LYST: variants seen among roughly 807,000 people sequenced by gnomAD.
LYST encodes lysosomal-trafficking regulator.
Under a neutral mutation model 413.6 loss-of-function variants are expected in LYST, and 192 were observed. The observed-to-expected ratio is 0.46, with a 90% CI of 0.41 to 0.52. LYST has a LOEUF of 0.52. Among genes scored for constraint, LYST ranks in the 20% least tolerant of loss-of-function variants. The probability of loss-of-function intolerance (pLI) is 0.00; values close to 1 mark genes in which losing one functional copy is unlikely to be tolerated. For missense variants in LYST, 3,815 were observed against 4,499.9 expected (o/e 0.85, Z 4.35); for synonymous variants, 1,525 against 1,567.3 (o/e 0.97, Z 0.64).
rs765006632 is a variant in LYST, at chr1:235,806,095, C to A, written c.3041G>T (p.Gly1014Val). The change falls in exon 6 of 53, where the codon GGA becomes GTA. Residue 1014 changes from glycine to valine, a missense_variant. Gly to Val is a moderately radical substitution (Grantham distance 109, BLOSUM62 -3). Coordinates refer to ENST00000389793, the MANE Select transcript of LYST (RefSeq NM_000081.4). ...SHKEEQGKKE[G>V]DTSVNENQDL... ...CTGGTTTTCATTTACACTTGTATCT[C>A]CCTCCTTTTTTCCTTGCTCCTCTTT... The A allele has an allele frequency of 6.2e-7, 1 of 1,613,676 alleles. No homozygotes were observed. Among genetic ancestry groups the A allele is most frequent in the East Asian group, 2.2e-5 (1 of 44,870 alleles).
intron 1 of LYST, among the ~76,000 whole-genome samples, chr1:235,848,559 A>C (rs187470590): frequency 2.0e-5 from 3 of 152,276 alleles, no homozygotes; most frequent in African/African-American, 4.8e-5. Context: ...AACAAACAAA[A>C]AAAATACAAA....
upstream of LYST, among the ~76,000 whole-genome samples, chr1:235,868,263 G>T (rs1680745582): frequency 6.6e-6 from 1 of 151,828 alleles, no homozygotes; most frequent in South Asian, 2.1e-4. Flanking sequence ...CCTAACAAGT[G>T]CAGGAAATAA....
chr1:235,762,872 G>C, intron 21 of LYST, 21 bp from the exon 22 acceptor site: 1 of 1,606,750 alleles, frequency 6.2e-7, no homozygotes, highest in South Asian at 1.1e-5. Context: ...AATTTTTTTT[G>C]AAACAGCAAA....
At chr1:235,737,850 T>C (rs948849456) in intron 31 of LYST, 40 of 1,009,162 alleles carry the variant, frequency 4.0e-5, no homozygotes, top group Non-Finnish European at 4.6e-5. Flanking sequence ...GGAAACAGCA[T>C]TTATCCTGCT....
In LYST at chr1:235,809,724, A is replaced by C; in HGVS notation, c.1094T>G (p.Ile365Arg). Residue 365 changes from isoleucine (I) to arginine (R), a missense_variant, in exon 5 of 53, where the codon ATA (isoleucine) becomes AGA (arginine). By Grantham distance (97) the Ile-to-Arg change is moderately conservative. Coordinates refer to ENST00000389793, the MANE Select transcript of LYST (RefSeq NM_000081.4). This position sits in a 1 kb window ranked among gnomAD's most constrained non-coding sequence, Gnocchi z 4.0. Reference sequence around the variant, plus strand: ...AGGGTCAGGCTGCTTTTCTAGGCATATTCTAATTTTTAAAGCTGCTCTAAG... The same window carrying C: ...AGGGTCAGGCTGCTTTTCTAGGCATCTTCTAATTTTTAAAGCTGCTCTAAG... ...ELLRAALKIR[I>R]CLEKQPDPFA... 6.2e-7 allele frequency: 1 copy of C among 1,613,762 alleles called. No individual in the cohort carries two copies. Among genetic ancestry groups the C allele is most frequent in the Non-Finnish European group, 8.5e-7 (1 of 1,179,802 alleles).
rs1230345131 is a variant in LYST at position 235,730,901 on chromosome 1, G to A, written c.8990C>T (p.Thr2997Ile). The change falls in exon 36 of 53, where the codon ACT becomes ATT. Residue 2997 changes from threonine to isoleucine, a missense_variant. Transcript: ENST00000389793. ...PPLSYLFEDK[T>I]HSSFSSTVKD... ...GACAGTAGAAGAGAAAGAAGAATGAGTTTTGTCTTCAAACAGGTAAGAGAG... is the reference window on the plus strand; with the variant it reads ...GACAGTAGAAGAGAAAGAAGAATGAATTTTGTCTTCAAACAGGTAAGAGAG... 6.2e-7 allele frequency: 1 copy of A among 1,613,772 alleles called. No homozygotes were observed. Among genetic ancestry groups the A allele is most frequent in the Non-Finnish European group, 8.5e-7 (1 of 1,179,742 alleles).
intron 3 of LYST, chr1:235,827,592 C>T: frequency 6.1e-6 from 6 of 982,356 alleles, no homozygotes; most frequent in Non-Finnish European, 7.3e-6. Context: ...AACATTCATT[C>T]TCCATTTCCT....
chr1:235,761,096 A>T (rs537659749), intron 22 of LYST, among the ~76,000 whole-genome samples: 10 of 152,270 alleles, frequency 6.6e-5, no homozygotes, highest in Non-Finnish European at 1.0e-4. Flanking sequence ...TCATTTATTT[A>T]AAAAAAATTT....
chr1:235,823,773 T>C (rs913212098), intron 3 of LYST, among the ~76,000 whole-genome samples: 1 of 152,238 alleles, frequency 6.6e-6, no homozygotes, highest in East Asian at 1.9e-4. Flanking sequence ...CGCCAATTCC[T>C]ACTTAGGGAT....
intron 1 of LYST, among the ~76,000 whole-genome samples, chr1:235,876,917 G>A (rs1681164890): frequency 6.6e-6 from 1 of 152,188 alleles, no homozygotes. Flanking sequence ...AGGAGTGACT[G>A]AAGAGCTCTC....
At chr1:235,761,239 T>G (rs944322555) in intron 22 of LYST, among the ~76,000 whole-genome samples, 1 of 152,224 alleles carries the variant, frequency 6.6e-6, no homozygotes, top group South Asian at 2.1e-4. Context: ...CCTATATATC[T>G]AGTTCTATCT....
At chr1:235,873,823 G>T (rs1681034885) in intron 1 of LYST, among the ~76,000 whole-genome samples, 1 of 152,136 alleles carries the variant, frequency 6.6e-6, no homozygotes, top group African/African-American at 2.4e-5. Context: ...AGGCTAAGAA[G>T]TACAAGGAAA....
intron 3 of LYST, chr1:235,827,782 T>C (rs1675498234): frequency 1.1e-6 from 1 of 899,682 alleles, no homozygotes; most frequent in Non-Finnish European, 1.3e-6. Flanking sequence ...ATGACCTAAA[T>C]AATTTTAGTC....
chr1:235,743,801 G>A (rs1665649983), intron 30 of LYST, among the ~76,000 whole-genome samples, 178 bp downstream of exon 30: 1 of 152,104 alleles, frequency 6.6e-6, no homozygotes. Flanking sequence ...AGTCATTTTG[G>A]AAAGGTGAAT....
chr1:235,791,529 T>G (rs985693573), intron 12 of LYST, 170 bp downstream of exon 12: 1 of 655,016 alleles, frequency 1.5e-6, no homozygotes, highest in Non-Finnish European at 2.7e-6. Context: ...ATTCAAGGCT[T>G]TATGACAACT....
upstream of LYST, among the ~76,000 whole-genome samples, chr1:235,871,077 A>G (rs541752314): frequency 1.5e-4 from 23 of 152,350 alleles, no homozygotes; most frequent in Admixed American, 7.8e-4. Flanking sequence ...GCTTTACCTT[A>G]TTAGGATGCA....
rs575463484 is a variant in LYST at position 235,749,104 on chromosome 1, A to G, written c.7780+2106T>C. ...TAATTGATAGACATGACAGAAATAG[A>G]AATCCCTCTATGTCCCTTTAGTATC... On this transcript the variant is annotated intron_variant, in intron 28 of 52. Transcript: ENST00000389793. Among the ~76,000 whole-genome samples the G allele has an allele frequency of 3.3e-5, 5 of 152,322 alleles. No individual in the cohort carries two copies. The South Asian group carries it at 1.0e-3, about 32-fold the overall frequency.
chr1:235,756,598 C>T (rs1387976516), intron 24 of LYST, among the ~76,000 whole-genome samples: 3 of 151,990 alleles, frequency 2.0e-5, no homozygotes, highest in African/African-American at 4.8e-5. Context: ...AGAATCTTTA[C>T]AAGATTATTT....
chr1:235,776,814 C>T (rs1165531388), intron 17 of LYST, among the ~76,000 whole-genome samples: 1 of 151,800 alleles, frequency 6.6e-6, no homozygotes, highest in Admixed American at 6.6e-5. Flanking sequence ...AAATCTTGTA[C>T]ATTTAACATT....
Sources: allele counts gnomAD v4.1 joint callset (sites outside exome capture counted in the v4.1 genomes callset), GRCh38; gene constraint gnomAD v4.1.1; non-coding constraint Gnocchi (gnomAD v3.1); transcripts MANE v1.5; gene names NCBI Gene and HGNC (gene_info 2026-07-23, HGNC 2026-07-21).